ASAP1: variants seen among roughly 807,000 people sequenced by gnomAD.
ASAP1 encodes the protein ArfGAP with SH3 domain, ankyrin repeat and PH domain 1.
ASAP1 carries 43 observed loss-of-function variants against 145.2 expected under a neutral mutation model. The ratio of observed to expected loss-of-function variants is 0.30; its 90% CI spans 0.23 to 0.38. The LOEUF (loss-of-function observed/expected upper bound fraction) is 0.38. Ranked by LOEUF, ASAP1 falls within the 10% of genes least tolerant of loss-of-function variation. The probability of loss-of-function intolerance (pLI) is 1.00; values close to 1 mark genes in which losing one functional copy is unlikely to be tolerated. For synonymous variants in ASAP1, 546 were observed against 515.5 expected (o/e 1.06, Z -0.80); for missense variants, 1,018 against 1,355.3 (o/e 0.75, Z 3.91).
rs1826467790 is a variant in ASAP1 at position 130,358,235 on chromosome 8, C to T, written c.60-92G>A. 9.9e-7 allele frequency: 1 copy of T among 1,011,668 alleles called. No individual in the cohort carries two copies. The highest frequency in any genetic ancestry group is 1.7e-5 in the African/African-American group (1 of 58,866). The allele number at this position is 1,011,668 out of a possible 1,614,324, so 62.7% of individuals were successfully genotyped here. A position where few individuals can be genotyped will look rare whatever the true frequency, so the allele number is the denominator to read the frequency against. On this transcript the variant is annotated intron_variant, in intron 2 of 29. Transcript: ENST00000518721. The surrounding 1 kb of genome is among the most constrained non-coding windows in gnomAD (Gnocchi z 4.1). ...GGGCCGCCCGGAGGCTCATGAACCC[C>T]GGCGCGCAGCCCGCCACCCGCCGCC...
intron 5 of ASAP1, among the ~76,000 whole-genome samples, chr8:130,201,490 C>G (rs1294210834): frequency 6.6e-6 from 1 of 152,150 alleles, no homozygotes; most frequent in Non-Finnish European, 1.5e-5. Flanking sequence ...TTATCTAATT[C>G]AATTTAGTAA....
chr8:130,226,358 G>T (rs984536909), intron 4 of ASAP1, among the ~76,000 whole-genome samples: 1 of 152,088 alleles, frequency 6.6e-6, no homozygotes, highest in African/African-American at 2.4e-5. Context: ...CACTAATTTG[G>T]AAACAACTGC....
Position 130,053,911 on chromosome 8 carries a change from T to C in ASAP1, c.*820A>G, listed in dbSNP as rs1331454509. On this transcript the variant is annotated 3_prime_UTR_variant, in exon 30 of 30. Transcript: ENST00000518721. Reference sequence around the variant, plus strand: ...ATACTATTCCTTTATAAAAGGCAGATTTCAGGTAAGCTTCTAAATGCATGC... The same window carrying C: ...ATACTATTCCTTTATAAAAGGCAGACTTCAGGTAAGCTTCTAAATGCATGC... 6.6e-6 allele frequency: 1 copy of C among 152,538 alleles called. No individual in the cohort carries two copies. Among genetic ancestry groups the C allele is most frequent in the East Asian group, 1.9e-4 (1 of 5,206 alleles). 9.4% of individuals were successfully genotyped at this position (152,538 alleles called of 1,614,324 possible). A position where few individuals can be genotyped will look rare whatever the true frequency, so the allele number is the denominator to read the frequency against.
Position 130,306,023 on chromosome 8 carries a change from T to C in ASAP1, c.186+51994A>G, listed in dbSNP as rs887647096. ...CATCATCAGGGCAAGTCATGACTTGTTATGATTAACTAGGATTCTGGGATC... is the reference window on the plus strand; with the variant it reads ...CATCATCAGGGCAAGTCATGACTTGCTATGATTAACTAGGATTCTGGGATC... On this transcript the variant is annotated intron_variant, in intron 3 of 29. Transcript: ENST00000518721. Among the ~76,000 whole-genome samples, 6 of 152,210 alleles carry C rather than the reference T, an allele frequency of 3.9e-5. No individual in the cohort carries two copies. In the South Asian group the frequency reaches 6.2e-4, roughly 16 times the overall value.
rs757765647 is a variant in ASAP1, at chr8:130,123,998, A to G, written c.1607+15T>C. 26 of 1,580,188 alleles carry G rather than the reference A, an allele frequency of 1.6e-5. No homozygotes were observed. The highest frequency in any genetic ancestry group is 2.3e-5 in the Non-Finnish European group (26 of 1,154,950). On this transcript the variant is annotated intron_variant, in intron 18 of 29. Coordinates refer to ENST00000518721, the MANE Select transcript of ASAP1 (RefSeq NM_018482.4). ...AGAATGGTTTAAAAAAGTTCAATAT[A>G]TCAGAAATACTTACATATCACTTGA...
At chr8:130,318,906 CA>C (rs1450749603) in intron 3 of ASAP1, among the ~76,000 whole-genome samples, 1 of 152,196 alleles carries the variant, frequency 6.6e-6, no homozygotes, top group Non-Finnish European at 1.5e-5. Flanking sequence ...ATCACTGCAA[CA>C]CTGCCCTACT....
intron 24 of ASAP1, among the ~76,000 whole-genome samples, chr8:130,110,858 C>T (rs1050975264): frequency 3.3e-5 from 5 of 152,126 alleles, no homozygotes; most frequent in Admixed American, 6.5e-5. Context: ...TTCAAATAGG[C>T]ATGGCATTGT....
chr8:130,358,278 C>T lies in ASAP1; in HGVS notation c.60-135G>A. The stretch of plus-strand genomic sequence containing the variant: ...CCGCCGCCCGGCCTGGCGCGCGGCT[C>T]CCGTCCCCGGCAGCGGCGAGAGGGA... On this transcript the variant is annotated intron_variant, in intron 2 of 29. Coordinates refer to ENST00000518721, the MANE Select transcript of ASAP1 (RefSeq NM_018482.4). The surrounding 1 kb of genome is among the most constrained non-coding windows in gnomAD (Gnocchi z 4.1). 1 of 591,030 alleles carries T rather than the reference C, an allele frequency of 1.7e-6. No homozygotes were observed. The highest frequency in any genetic ancestry group is 2.2e-6 in the Non-Finnish European group (1 of 451,308). The allele number at this position is 591,030 out of a possible 1,614,324, so 36.6% of individuals were successfully genotyped here. A position where few individuals can be genotyped will look rare whatever the true frequency, so the allele number is the denominator to read the frequency against.
intron 24 of ASAP1, among the ~76,000 whole-genome samples, chr8:130,095,290 A>G (rs2097514938): frequency 1.4e-5 from 2 of 140,420 alleles, no homozygotes; most frequent in Non-Finnish European, 3.0e-5. Context: ...TTTTTAGGCC[A>G]GTGATTTTTT....
At chr8:130,320,334 T>C (rs116449226) in intron 3 of ASAP1, among the ~76,000 whole-genome samples, 3,119 of 152,212 alleles carry the variant, frequency 0.02, 49 homozygotes, top group East Asian at 0.064. Flanking sequence ...GGTGGGAGGA[T>C]TGCCTGAGCT....
At chr8:130,417,877 C>G (rs935010373) in intron 1 of ASAP1, among the ~76,000 whole-genome samples, 13 of 152,254 alleles carry the variant, frequency 8.5e-5, no homozygotes, top group Non-Finnish European at 1.5e-4. Flanking sequence ...CCTCGCTGTA[C>G]TGGTGGTTCT....
At position 130,358,266 on chromosome 8, in the gene ASAP1, T is replaced by C. The variant is rs1341519613; in HGVS notation, c.60-123A>G. 2.9e-6 allele frequency: 2 copies of C among 692,816 alleles called. No homozygotes were observed. Among genetic ancestry groups the C allele is most frequent in the East Asian group, 7.2e-5 (1 of 13,984 alleles). 42.9% of individuals were successfully genotyped at this position (692,816 alleles called of 1,614,324 possible). On this transcript the variant is annotated intron_variant, in intron 2 of 29. Transcript: ENST00000518721. This position sits in a 1 kb window ranked among gnomAD's most constrained non-coding sequence, Gnocchi z 4.1. ...GCAGCCCGCCACCCGCCGCCCGGCC[T>C]GGCGCGCGGCTCCCGTCCCCGGCAG...
At chr8:130,340,950 T>C (rs1014115876) in intron 3 of ASAP1, 1 of 421,884 alleles carries the variant, frequency 2.4e-6, no homozygotes, top group Non-Finnish European at 4.7e-6. Context: ...CTAGGTTTTT[T>C]TTTGTTTTTG....
At chr8:130,367,855 G>A (rs533098965) in intron 2 of ASAP1, among the ~76,000 whole-genome samples, 10 of 152,194 alleles carry the variant, frequency 6.6e-5, no homozygotes, top group Non-Finnish European at 8.8e-5. Flanking sequence ...ATATGATTTC[G>A]CCTGCAATGT....
chr8:130,275,400 C>G (rs1162044793), intron 3 of ASAP1, among the ~76,000 whole-genome samples: 2 of 152,228 alleles, frequency 1.3e-5, no homozygotes, highest in African/African-American at 4.8e-5. Context: ...GCAGCACTTA[C>G]GTACTTTCAG....
In ASAP1 at chr8:130,205,660, A is replaced by C. The variant is rs1468658618; in HGVS notation, c.405+8896T>G. The stretch of plus-strand genomic sequence containing the variant: ...CCTGTTCTGACTCCATTTGGTTGGT[A>C]ATCTCTTGACTAGACTTGAGGTGGG... On this transcript the variant is annotated intron_variant, in intron 5 of 29. Coordinates refer to ENST00000518721, the MANE Select transcript of ASAP1 (RefSeq NM_018482.4). Among the ~76,000 whole-genome samples, 9 of 142,748 alleles carry C rather than the reference A, an allele frequency of 6.3e-5. No homozygotes were observed. In the Admixed American group the frequency reaches 6.6e-4, roughly 10 times the overall value. 93.6% of individuals were successfully genotyped at this position (142,748 alleles called of 152,430 possible).
At chr8:130,283,249 C>T (rs1024844069) in intron 3 of ASAP1, among the ~76,000 whole-genome samples, 1 of 152,050 alleles carries the variant, frequency 6.6e-6, no homozygotes, top group Non-Finnish European at 1.5e-5. Context: ...TAAAAGAAGG[C>T]AGGATGCCAG....
At chr8:130,180,256 G>A (rs1180430582) in intron 8 of ASAP1, among the ~76,000 whole-genome samples, 1 of 152,170 alleles carries the variant, frequency 6.6e-6, no homozygotes, top group Non-Finnish European at 1.5e-5. Flanking sequence ...TGGTTTCTAG[G>A]TCAAGAAGTG....
At chr8:130,232,181 T>C (rs1817947486) in intron 4 of ASAP1, among the ~76,000 whole-genome samples, 1 of 152,216 alleles carries the variant, frequency 6.6e-6, no homozygotes, top group Non-Finnish European at 1.5e-5. Flanking sequence ...TCACCTCTAC[T>C]ACATTCTATT....
Sources: allele counts gnomAD v4.1 joint callset (sites outside exome capture counted in the v4.1 genomes callset), GRCh38; gene constraint gnomAD v4.1.1; non-coding constraint Gnocchi (gnomAD v3.1); transcripts MANE v1.5; gene names NCBI Gene and HGNC (gene_info 2026-07-23, HGNC 2026-07-21).